Variants in HBS1L observed in about 807,000 individuals in gnomAD.
HBS1L encodes the protein HBS1 like translational GTPase.
A neutral mutation model predicts 88.9 loss-of-function variants in HBS1L; 55 were observed. The observed-to-expected ratio is 0.62, with a 90% CI of 0.50 to 0.77. The LOEUF (loss-of-function observed/expected upper bound fraction) is 0.77, where lower values mean the gene tolerates loss of function less well. HBS1L is among the 30% of genes least tolerant of loss of function. HBS1L has a pLI of 0.00. For synonymous variants in HBS1L, 267 were observed against 288.5 expected (o/e 0.93, Z 0.76); for missense variants, 741 against 829.3 (o/e 0.89, Z 1.31).
intron 4 of HBS1L, among the ~76,000 whole-genome samples, chr6:135,011,191 G>A (rs769463098): frequency 6.6e-6 from 1 of 152,104 alleles, no homozygotes; most frequent in African/African-American, 2.4e-5. Flanking sequence ...AGGGACTTCA[G>A]GTAAGACAGA....
intron 4 of HBS1L, among the ~76,000 whole-genome samples, chr6:135,005,477 T>C (rs1444946676): frequency 6.6e-6 from 1 of 152,236 alleles, no homozygotes. Context: ...TACATGTTAA[T>C]GTTTTCCTAA....
At chr6:135,053,293 A>G (rs1444409808) in intron 1 of HBS1L, among the ~76,000 whole-genome samples, 2 of 152,158 alleles carry the variant, frequency 1.3e-5, no homozygotes, top group Non-Finnish European at 1.5e-5. Context: ...TCATACTCTA[A>G]TAATCTGTAA....
At chr6:135,007,802 A>G (rs550662169) in intron 4 of HBS1L, among the ~76,000 whole-genome samples, 1 of 152,344 alleles carries the variant, frequency 6.6e-6, no homozygotes, top group African/African-American at 2.4e-5. Flanking sequence ...TTCATTCACC[A>G]TTTAACAATC....
At chr6:134,978,526 G>A (rs1196186004) in intron 15 of HBS1L, among the ~76,000 whole-genome samples, 153 bp downstream of exon 15, 1 of 151,812 alleles carries the variant, frequency 6.6e-6, no homozygotes, top group Non-Finnish European at 1.5e-5. Flanking sequence ...AAATAAAAAC[G>A]ATTTTCTAAT....
chr6:135,011,562 AT>A (rs1246067251), intron 4 of HBS1L, among the ~76,000 whole-genome samples: 8 of 152,184 alleles, frequency 5.3e-5, no homozygotes, highest in Admixed American at 2.0e-4. Context: ...ACAAGTGAGC[AT>A]AAAATATGTG....
At chr6:134,977,067 T>C (rs1042978432) in intron 15 of HBS1L, among the ~76,000 whole-genome samples, 64 of 152,056 alleles carry the variant, frequency 4.2e-4, no homozygotes, top group African/African-American at 1.4e-3. Context: ...AGGAAACCTT[T>C]GTTTGCTTAA....
chr6:135,006,430 T>C (rs1174791623), intron 4 of HBS1L, among the ~76,000 whole-genome samples: 1 of 151,678 alleles, frequency 6.6e-6, no homozygotes, highest in Non-Finnish European at 1.5e-5. Flanking sequence ...AAGAAAAGAG[T>C]AAGCCAGCTG....
chr6:134,963,910 C>G lies in HBS1L; in HGVS notation c.*1369G>C, dbSNP rs1200596026. 1 of 134,790 alleles carries G rather than the reference C, an allele frequency of 7.4e-6. No individual in the cohort carries two copies. Among genetic ancestry groups the G allele is most frequent in the Non-Finnish European group, 1.7e-5 (1 of 58,198 alleles). The allele number at this position is 134,790 out of a possible 1,614,324, so 8.3% of individuals were successfully genotyped here. A position where few individuals can be genotyped will look rare whatever the true frequency, so the allele number is the denominator to read the frequency against. On this transcript the variant is annotated 3_prime_UTR_variant, in exon 18 of 18. Transcript: ENST00000367837. ...CAGTCACTTGAAGTTAGATTTCTGT[C>G]ACATATATCTGTTAAATTCTTGATT...
intron 4 of HBS1L, chr6:135,036,839 C>G (rs1355736152): frequency 6.4e-7 from 1 of 1,551,724 alleles, no homozygotes; most frequent in African/African-American, 1.4e-5. Flanking sequence ...GTCAGAGAGC[C>G]TTTGTTGTTT....
intron 4 of HBS1L, among the ~76,000 whole-genome samples, chr6:135,031,308 G>A (rs149546728): frequency 6.0e-4 from 91 of 152,118 alleles, no homozygotes; most frequent in African/African-American, 2.0e-3. Context: ...AGGCTCACAG[G>A]AACCTACCTC....
rs1293830467 is a variant in HBS1L, at chr6:134,963,411, A to G, written c.*1868T>C. 6.6e-6 allele frequency: 1 copy of G among 152,128 alleles called. No individual in the cohort carries two copies. Among genetic ancestry groups the G allele is most frequent in the Non-Finnish European group, 1.5e-5 (1 of 68,068 alleles). The allele number at this position is 152,128 out of a possible 1,614,324, so 9.4% of individuals were successfully genotyped here. On this transcript the variant is annotated 3_prime_UTR_variant, in exon 18 of 18. Transcript: ENST00000367837. ...TCTTGTCAAGAACCTGGCATTACAG[A>G]AGAGGTTTTTTATGGGTGGCAGGGT...
intron 4 of HBS1L, among the ~76,000 whole-genome samples, chr6:135,039,020 T>A (rs1004265313): frequency 6.6e-6 from 1 of 152,100 alleles, no homozygotes; most frequent in African/African-American, 2.4e-5. Flanking sequence ...TGTTATAAAA[T>A]CAACTAGTGA....
chr6:135,015,509 G>T (rs554788052), intron 4 of HBS1L, among the ~76,000 whole-genome samples: 1 of 152,290 alleles, frequency 6.6e-6, no homozygotes, highest in Non-Finnish European at 1.5e-5. Flanking sequence ...GAAGCAGGGT[G>T]ATTTTGAAGT....
At chr6:135,039,848 T>A in intron 3 of HBS1L, 81 bp from the exon 4 acceptor site, 8 of 1,201,080 alleles carry the variant, frequency 6.7e-6, no homozygotes, top group Non-Finnish European at 9.3e-6. Flanking sequence ...GATTTTAAAA[T>A]TTACAGCTGT....
intron 4 of HBS1L, among the ~76,000 whole-genome samples, chr6:135,017,905 T>C (rs1775966339): frequency 6.6e-6 from 1 of 151,758 alleles, no homozygotes; most frequent in Non-Finnish European, 1.5e-5. Context: ...ATTTTTAATC[T>C]AAGACAAATT....
intron 5 of HBS1L, among the ~76,000 whole-genome samples, 183 bp from the exon 6 acceptor site, chr6:134,997,839 T>C (rs1775336538): frequency 1.3e-5 from 2 of 151,978 alleles, no homozygotes; most frequent in Admixed American, 1.3e-4. Flanking sequence ...ACCACACAAA[T>C]ACAACCGTGG....
chr6:135,032,934 G>GAAAAGTTT (rs1554230605), intron 4 of HBS1L, among the ~76,000 whole-genome samples: 1 of 151,662 alleles, frequency 6.6e-6, no homozygotes, highest in East Asian at 1.9e-4. Flanking sequence ...TAGTAACTAG[G>GAAAAGTTT]AAAAAGGAAA....
chr6:134,986,319 C>T (rs1178103401), intron 10 of HBS1L, 136 bp from the exon 11 acceptor site: 3 of 612,030 alleles, frequency 4.9e-6, no homozygotes, highest in Admixed American at 3.4e-5. Context: ...CACAGAACTA[C>T]AGCCCCAAAG....
intron 2 of HBS1L, among the ~76,000 whole-genome samples, chr6:135,047,334 CCT>C (rs368262262): frequency 1.5e-3 from 234 of 152,296 alleles, no homozygotes; most frequent in Middle Eastern, 6.8e-3. Flanking sequence ...AGTAATCCCC[CCT>C]CTGAAAGATT....
Sources: gnomAD v4.1 joint callset for allele counts (sites outside exome capture counted in the v4.1 genomes callset) on GRCh38, gnomAD v4.1.1 for gene constraint, MANE v1.5 for transcripts, NCBI Gene and HGNC (gene_info 2026-07-23, HGNC 2026-07-21) for gene names.